LCMT1: variants seen among roughly 807,000 people sequenced by gnomAD.
LCMT1 encodes [Phosphatase 2A protein]-leucine-carboxy methyltransferase 1.
A neutral mutation model predicts 47.7 loss-of-function variants in LCMT1; 32 were observed. The observed-to-expected ratio is 0.67, with a 90% CI of 0.51 to 0.90. The LOEUF (loss-of-function observed/expected upper bound fraction) is 0.90, where lower values mean the gene tolerates loss of function less well. LCMT1 is among the 40% of genes least tolerant of loss of function. LCMT1 has a pLI of 0.00. For missense variants in LCMT1, 375 were observed against 415.2 expected (o/e 0.90, Z 0.84); for synonymous variants, 152 against 149.7 (o/e 1.02, Z -0.11).
chr16:25,143,379 G>C (rs1960754789), intron 4 of LCMT1: 1 of 152,172 alleles, frequency 6.6e-6, no homozygotes, highest in African/African-American at 2.4e-5. Flanking sequence ...CTGATGATTG[G>C]GGTGCCAGTT....
At position 25,169,140 on chromosome 16, in the gene LCMT1, T is replaced by C. The variant is rs1377181171; in HGVS notation, c.719T>C (p.Ile240Thr). The C allele has an allele frequency of 6.2e-6, 10 of 1,613,378 alleles. No homozygotes were observed. The African/African-American group carries it at 1.3e-4, about 22-fold the overall frequency. ...QVNMGDRFGQ[I>T]MIENLRRRQC... ...AACATGGGTGATCGGTTTGGGCAGA[T>C]CATGATTGAAAACCTGCGGAGACGC... The change falls in exon 8 of 11, where the codon ATC (isoleucine) becomes ACC (threonine). Residue 240 changes from isoleucine (I) to threonine (T), a missense_variant. Ile to Thr is a moderately conservative substitution (Grantham distance 89, BLOSUM62 -1). Coordinates refer to ENST00000399069, the MANE Select transcript of LCMT1 (RefSeq NM_016309.3).
intron 7 of LCMT1, among the ~76,000 whole-genome samples, 189 bp downstream of exon 7, chr16:25,164,907 T>C (rs1310855509): frequency 6.6e-6 from 1 of 152,244 alleles, no homozygotes; most frequent in Non-Finnish European, 1.5e-5. Context: ...TTTTAGCCAG[T>C]TATTAGAACT....
chr16:25,174,224 T>G (rs149806719), intron 9 of LCMT1, among the ~76,000 whole-genome samples: 179 of 152,322 alleles, frequency 1.2e-3, no homozygotes, highest in African/African-American at 4.1e-3. Flanking sequence ...TGTATGTATG[T>G]TTAAAAGTTT....
chr16:25,164,330 T>TGA, intron 6 of LCMT1, among the ~76,000 whole-genome samples: 1 of 152,258 alleles, frequency 6.6e-6, no homozygotes, highest in East Asian at 1.9e-4. Context: ...GGGGAGAACT[T>TGA]GAAACCATTT....
At chr16:25,126,686 C>T (rs1246041895) in intron 1 of LCMT1, among the ~76,000 whole-genome samples, 1 of 152,196 alleles carries the variant, frequency 6.6e-6, no homozygotes, top group Non-Finnish European at 1.5e-5. Context: ...ATAGAACCTG[C>T]TCTTTATTAT....
At chr16:25,139,457 C>T (rs1960610322) in intron 3 of LCMT1, among the ~76,000 whole-genome samples, 1 of 151,880 alleles carries the variant, frequency 6.6e-6, no homozygotes. Context: ...TTGCAGTGAG[C>T]TGAGATCATG....
intron 1 of LCMT1, 110 bp downstream of exon 1, chr16:25,112,106 C>A: frequency 1.4e-6 from 1 of 740,454 alleles, no homozygotes; most frequent in Non-Finnish European, 2.4e-6. Context: ...GCAGCCCCCG[C>A]CTCGCACGAC....
At chr16:25,118,298 C>G (rs1196100464) in intron 1 of LCMT1, among the ~76,000 whole-genome samples, 1 of 152,050 alleles carries the variant, frequency 6.6e-6, no homozygotes. Flanking sequence ...CTAATATGCC[C>G]CATTTCTTCC....
At chr16:25,149,361 C>G (rs188183855) in intron 4 of LCMT1, among the ~76,000 whole-genome samples, 1 of 152,244 alleles carries the variant, frequency 6.6e-6, no homozygotes, top group African/African-American at 2.4e-5. Context: ...ATCAGTTGTT[C>G]AGTGTTCCTT....
intron 1 of LCMT1, among the ~76,000 whole-genome samples, chr16:25,117,116 T>G (rs1959815651): frequency 6.6e-6 from 1 of 152,142 alleles, no homozygotes; most frequent in Non-Finnish European, 1.5e-5. Flanking sequence ...GCAGAACTGA[T>G]ATGATCTTGG....
chr16:25,120,247 G>C (rs1458280772), intron 1 of LCMT1, among the ~76,000 whole-genome samples: 1 of 151,226 alleles, frequency 6.6e-6, no homozygotes, highest in Non-Finnish European at 1.5e-5. Context: ...TTTTGAGATG[G>C]AGGTTCGCTC....
intron 5 of LCMT1, among the ~76,000 whole-genome samples, chr16:25,154,272 A>C (rs1206889528): frequency 6.6e-6 from 1 of 151,808 alleles, no homozygotes; most frequent in Non-Finnish European, 1.5e-5. Context: ...CGGCCTCCCA[A>C]AGTGCTGGGA....
At chr16:25,137,504 A>T (rs1440086610) in intron 3 of LCMT1, among the ~76,000 whole-genome samples, 1 of 151,844 alleles carries the variant, frequency 6.6e-6, no homozygotes, top group Non-Finnish European at 1.5e-5. Flanking sequence ...GAGTGCAGTG[A>T]TATGATCTCA....
intron 3 of LCMT1, among the ~76,000 whole-genome samples, chr16:25,138,520 C>CGT (rs562711822): frequency 4.4e-4 from 67 of 151,270 alleles, no homozygotes; most frequent in African/African-American, 1.5e-3. Context: ...TGCGCATGTG[C>CGT]GTGTGTGTGT....
Position 25,140,210 on chromosome 16 carries a change from T to G in LCMT1, c.367T>G (p.Phe123Val). ...CCCAAGTAAATATTTTGAGGTTGAC[T>G]TTCCAATGATTGTCACGAGAAAGCT... is the stretch of plus-strand genomic sequence containing the variant. The part of the protein sequence containing the change: ...LLPSKYFEVD[F>V]PMIVTRKLHS... The change falls in exon 4 of 11, where the codon TTT becomes GTT. Residue 123 changes from phenylalanine to valine, a missense_variant. Coordinates refer to ENST00000399069, the MANE Select transcript of LCMT1 (RefSeq NM_016309.3). 6.2e-7 allele frequency: 1 copy of G among 1,608,476 alleles called. No individual in the cohort carries two copies. Among genetic ancestry groups the G allele is most frequent in the Non-Finnish European group, 8.5e-7 (1 of 1,177,238 alleles).
intron 5 of LCMT1, among the ~76,000 whole-genome samples, chr16:25,152,446 G>T (rs933801052): frequency 1.3e-5 from 2 of 152,064 alleles, no homozygotes; most frequent in Non-Finnish European, 2.9e-5. Context: ...GTAGACTTTT[G>T]CCGATACATT....
intron 4 of LCMT1, chr16:25,142,387 A>G (rs900310712): frequency 6.6e-6 from 1 of 152,216 alleles, no homozygotes; most frequent in Non-Finnish European, 1.5e-5. Context: ...AATGAGGTTT[A>G]TACATTCAAA....
At chr16:25,176,244 G>C (rs1347367467) in intron 10 of LCMT1, among the ~76,000 whole-genome samples, 2 of 152,126 alleles carry the variant, frequency 1.3e-5, no homozygotes, top group Admixed American at 6.5e-5. Context: ...GTTAGGCTTT[G>C]AGTGTCTCTC....
chr16:25,121,243 C>A (rs1157772349), intron 1 of LCMT1, among the ~76,000 whole-genome samples: 1 of 151,730 alleles, frequency 6.6e-6, no homozygotes, highest in Admixed American at 6.6e-5. Context: ...AACCCCGTCT[C>A]TACTAAAAAT....
Sources: gnomAD v4.1 joint callset for allele counts (sites outside exome capture counted in the v4.1 genomes callset) on GRCh38, gnomAD v4.1.1 for gene constraint, MANE v1.5 for transcripts, NCBI Gene and HGNC (gene_info 2026-07-23, HGNC 2026-07-21) for gene names.